Variants in NEMP2 observed in about 807,000 individuals in gnomAD.
NEMP2 encodes UPF0571 transmembrane protein.
In NEMP2, 53 loss-of-function variants were observed where a neutral mutation model predicts 54.2. That is an observed-to-expected ratio of 0.98 (90% CI 0.78 to 1.23). The LOEUF (loss-of-function observed/expected upper bound fraction) is 1.23. Ranked by LOEUF, NEMP2 falls within the 50% of genes most tolerant of loss-of-function variation. The pLI, the probability that NEMP2 is intolerant of heterozygous loss-of-function variation, is 0.00. For synonymous variants in NEMP2, 197 were observed against 190.3 expected, an observed-to-expected ratio of 1.04 and a Z score of -0.29; for missense variants, 455 against 511.3, an observed-to-expected ratio of 0.89 and a Z score of 1.06.
chr2:190,426,125 A>G, the NEMP2 span, among the ~76,000 whole-genome samples: 1 of 152,086 alleles, frequency 6.6e-6, no homozygotes, highest in Non-Finnish European at 1.5e-5. The surrounding 1 kb of genome is among the most constrained non-coding windows in gnomAD (Gnocchi z 4.7). Flanking sequence ...TTTAGCCTTT[A>G]CTTCTTTGAC....
chr2:190,635,760 T>G, the NEMP2 span, among the ~76,000 whole-genome samples: 1 of 152,178 alleles, frequency 6.6e-6, no homozygotes, highest in Non-Finnish European at 1.5e-5. The surrounding 1 kb of genome is among the most constrained non-coding windows in gnomAD (Gnocchi z 4.1). Flanking sequence ...CACCTAGGAG[T>G]GCAATTTCTG....
At chr2:190,470,161 T>G in the NEMP2 span, among the ~76,000 whole-genome samples, 12 of 152,256 alleles carry the variant, frequency 7.9e-5, no homozygotes, top group Admixed American at 7.8e-4. Context: ...AGGGTGGTTT[T>G]AAGATATAAA....
the NEMP2 span, among the ~76,000 whole-genome samples, chr2:190,569,387 T>C: frequency 9.3e-5 from 8 of 85,824 alleles, no homozygotes; most frequent in South Asian, 4.0e-3. Context: ...GCCATTACCT[T>C]GAGACAAATT....
the NEMP2 span, among the ~76,000 whole-genome samples, chr2:190,572,792 C>T: frequency 7.9e-6 from 1 of 126,512 alleles, no homozygotes; most frequent in Admixed American, 9.0e-5. Flanking sequence ...CTTTCCAGTT[C>T]TTCACTATTA....
chr2:190,452,091 G>T, the NEMP2 span, among the ~76,000 whole-genome samples: 2 of 149,872 alleles, frequency 1.3e-5, no homozygotes, highest in African/African-American at 2.5e-5. Flanking sequence ...TTTTTTTTCA[G>T]CAACTTCAAA....
chr2:190,643,045 T>TTTG, the NEMP2 span, among the ~76,000 whole-genome samples: 1 of 123,498 alleles, frequency 8.1e-6, no homozygotes, highest in Admixed American at 8.0e-5. Context: ...TTTTTTTTTT[T>TTTG]GGGTCAAAAG....
At chr2:190,479,353 T>A in the NEMP2 span, among the ~76,000 whole-genome samples, 1 of 152,178 alleles carries the variant, frequency 6.6e-6, no homozygotes, top group Non-Finnish European at 1.5e-5. Flanking sequence ...AGAAAACATA[T>A]TTCCTACCTA....
At position 190,519,854 on chromosome 2, in the gene NEMP2, G is replaced by A. The variant is rs1435986224; in HGVS notation, c.214-671C>T. ...TGCAGATAGTGCATTTCTTACAAAC[G>A]GAAGGTTTGTGCAACTCTGTGTCAG... On this transcript the variant is annotated intron_variant, in intron 2 of 8. Coordinates refer to ENST00000409150, the MANE Select transcript of NEMP2 (RefSeq NM_001142645.2). This position sits in a 1 kb window ranked among gnomAD's most constrained non-coding sequence, Gnocchi z 5.4. Among the ~76,000 whole-genome samples the A allele has an allele frequency of 1.3e-5, 2 of 152,156 alleles. No individual in the cohort carries two copies. The highest frequency in any genetic ancestry group is 2.4e-5 in the African/African-American group (1 of 41,440).
At chr2:190,500,575 A>T (rs1238732521), downstream of NEMP2, 1 of 203,212 alleles carries the variant, frequency 4.9e-6, no homozygotes, top group Non-Finnish European at 1.0e-5. The surrounding 1 kb of genome is among the most constrained non-coding windows in gnomAD (Gnocchi z 5.3). Flanking sequence ...TTCGAGGTGA[A>T]TGTGGATATA....
the NEMP2 span, among the ~76,000 whole-genome samples, chr2:190,622,126 G>A: frequency 6.6e-6 from 1 of 151,406 alleles, no homozygotes; most frequent in Non-Finnish European, 1.5e-5. Context: ...TGAGAAGCTG[G>A]GTGTGGTGGC....
the NEMP2 span, among the ~76,000 whole-genome samples, chr2:190,445,281 T>G: frequency 5.5e-3 from 838 of 152,310 alleles, 13 homozygotes; most frequent in South Asian, 0.035. Context: ...GGAGATGCTG[T>G]CATTGTTAAC....
chr2:190,587,867 G>C, the NEMP2 span, among the ~76,000 whole-genome samples: 1 of 152,084 alleles, frequency 6.6e-6, no homozygotes, highest in African/African-American at 2.4e-5. This position sits in a 1 kb window ranked among gnomAD's most constrained non-coding sequence, Gnocchi z 5.4. Context: ...CACCAGCCGA[G>C]GGGTCAACCT....
the NEMP2 span, among the ~76,000 whole-genome samples, chr2:190,633,401 C>A: frequency 6.6e-6 from 1 of 150,680 alleles, no homozygotes; most frequent in South Asian, 2.1e-4. Flanking sequence ...GCAGCCTCTG[C>A]GTCTCGGGTT....
At chr2:190,576,218 G>A in the NEMP2 span, among the ~76,000 whole-genome samples, 1 of 152,194 alleles carries the variant, frequency 6.6e-6, no homozygotes, top group African/African-American at 2.4e-5. Flanking sequence ...CAATCCTTCT[G>A]CCTTAGCCTC....
chr2:190,498,011 GT>G, the NEMP2 span: 1 of 248,422 alleles, frequency 4.0e-6, no homozygotes, highest in Non-Finnish European at 7.8e-6. This position sits in a 1 kb window ranked among gnomAD's most constrained non-coding sequence, Gnocchi z 5.9. Context: ...TTGTATATTT[GT>G]TTTAAATTTC....
At chr2:190,571,549 T>TATAATAATA in the NEMP2 span, among the ~76,000 whole-genome samples, 294 of 149,922 alleles carry the variant, frequency 2.0e-3, no homozygotes, top group South Asian at 3.9e-3. Context: ...TCTCAAAAAA[T>TATAATAATA]ATAATAATAA....
the NEMP2 span, among the ~76,000 whole-genome samples, chr2:190,444,644 G>T: frequency 6.6e-6 from 1 of 152,088 alleles, no homozygotes; most frequent in South Asian, 2.1e-4. Flanking sequence ...TAAAAACCAT[G>T]GCAAAGCACT....
chr2:190,489,643 TA>T, the NEMP2 span: 1 of 841,850 alleles, frequency 1.2e-6, no homozygotes, highest in Non-Finnish European at 1.8e-6. This position sits in a 1 kb window ranked among gnomAD's most constrained non-coding sequence, Gnocchi z 6.6. Context: ...AATACCCAAC[TA>T]CTTTTCTCTG....
chr2:190,602,886 A>T, the NEMP2 span, among the ~76,000 whole-genome samples: 1 of 152,188 alleles, frequency 6.6e-6, no homozygotes, highest in African/African-American at 2.4e-5. Flanking sequence ...GGGAAGGAAG[A>T]GGGAGCAAGG....
Sources: gnomAD v4.1 joint callset for allele counts (sites outside exome capture counted in the v4.1 genomes callset) on GRCh38, gnomAD v4.1.1 for gene constraint, Gnocchi (gnomAD v3.1) non-coding constraint, MANE v1.5 for transcripts, NCBI Gene and HGNC (gene_info 2026-07-23, HGNC 2026-07-21) for gene names.